Variants in STXBP5L observed in about 807,000 individuals in gnomAD.
The protein encoded by STXBP5L is syntaxin binding protein 5L.
Under a neutral mutation model 144.5 loss-of-function variants are expected in STXBP5L, and 65 were observed. That is an observed-to-expected ratio of 0.45 (90% CI 0.37 to 0.55). The LOEUF (loss-of-function observed/expected upper bound fraction) is 0.55, where lower values mean the gene tolerates loss of function less well. STXBP5L is among the 20% of genes least tolerant of loss of function. The pLI, the probability that STXBP5L is intolerant of heterozygous loss-of-function variation, is 0.00. For synonymous variants in STXBP5L, 505 were observed against 469.6 expected, an observed-to-expected ratio of 1.08 and a Z score of -0.97; for missense variants, 1,298 against 1,405.5, an observed-to-expected ratio of 0.92 and a Z score of 1.22.
chr3:121,055,387 A>G (rs985346555), intron 5 of STXBP5L, among the ~76,000 whole-genome samples: 4 of 152,168 alleles, frequency 2.6e-5, no homozygotes, highest in Non-Finnish European at 4.4e-5. Flanking sequence ...CAGTTTATAA[A>G]TTTATACTAT....
intron 19 of STXBP5L, among the ~76,000 whole-genome samples, chr3:121,296,122 C>G (rs1379966759): frequency 6.6e-6 from 1 of 152,178 alleles, no homozygotes; most frequent in African/African-American, 2.4e-5. Context: ...TTATTACATA[C>G]TTTCTGATGA....
intron 3 of STXBP5L, among the ~76,000 whole-genome samples, chr3:121,007,547 A>T (rs1330496102): frequency 6.6e-6 from 1 of 152,066 alleles, no homozygotes; most frequent in Non-Finnish European, 1.5e-5. Flanking sequence ...ACTAGAAATT[A>T]AAATTCTTTA....
intron 3 of STXBP5L, among the ~76,000 whole-genome samples, chr3:120,979,303 G>A (rs1417513228): frequency 6.6e-6 from 1 of 152,310 alleles, no homozygotes; most frequent in East Asian, 1.9e-4. Context: ...ATCTCAGACT[G>A]CTGTGCTAGC....
At chr3:121,334,884 C>A (rs550071595) in intron 20 of STXBP5L, among the ~76,000 whole-genome samples, 1 of 152,146 alleles carries the variant, frequency 6.6e-6, no homozygotes, top group East Asian at 1.9e-4. Flanking sequence ...TGGAAGCATT[C>A]CCCTTGAAAA....
chr3:121,171,921 T>C (rs1056387860), intron 9 of STXBP5L, among the ~76,000 whole-genome samples: 2 of 152,166 alleles, frequency 1.3e-5, no homozygotes, highest in Non-Finnish European at 2.9e-5. Flanking sequence ...AGAACAAAGC[T>C]GGAGGCATCA....
At chr3:121,255,338 A>G (rs944211681) in intron 16 of STXBP5L, among the ~76,000 whole-genome samples, 2 of 152,084 alleles carry the variant, frequency 1.3e-5, no homozygotes, top group Admixed American at 6.5e-5. Flanking sequence ...ATTTTTTTCA[A>G]TGTCAAAACA....
intron 9 of STXBP5L, among the ~76,000 whole-genome samples, chr3:121,179,818 A>G (rs2047073054): frequency 1.3e-5 from 2 of 152,170 alleles, no homozygotes; most frequent in South Asian, 4.1e-4. Context: ...AACAGACTAG[A>G]ACAAGTAGAA....
chr3:121,419,242 G>A lies in STXBP5L; in HGVS notation c.*145G>A, dbSNP rs2047309477. Reference sequence around the variant, plus strand: ...AATCTGAAATTTTCATAAAAGAGATGTATCAGAGACACTGTGCAACCCAAA... The same window carrying A: ...AATCTGAAATTTTCATAAAAGAGATATATCAGAGACACTGTGCAACCCAAA... On this transcript the variant is annotated 3_prime_UTR_variant, in exon 27 of 27. Transcript: ENST00000471454. The A allele has an allele frequency of 7.3e-6, 6 of 825,814 alleles. No individual in the cohort carries two copies. In the Admixed American group the frequency reaches 1.9e-4, roughly 26 times the overall value. 51.2% of individuals were successfully genotyped at this position (825,814 alleles called of 1,614,324 possible).
chr3:121,054,822 G>T (rs1056266470), intron 5 of STXBP5L, among the ~76,000 whole-genome samples: 2 of 151,938 alleles, frequency 1.3e-5, no homozygotes, highest in South Asian at 2.1e-4. Context: ...TCACCATATT[G>T]ATTTTATCTT....
At chr3:121,278,450 A>G (rs913186993) in intron 18 of STXBP5L, among the ~76,000 whole-genome samples, 2 of 151,980 alleles carry the variant, frequency 1.3e-5, no homozygotes, top group Non-Finnish European at 2.9e-5. Context: ...AATGTCATGC[A>G]TCCTAGTTGC....
intron 2 of STXBP5L, among the ~76,000 whole-genome samples, chr3:120,914,399 A>T (rs1709000296): frequency 6.6e-6 from 1 of 152,076 alleles, no homozygotes; most frequent in East Asian, 1.9e-4. Context: ...TAACTAGTAT[A>T]ACTTCTGCAG....
At chr3:121,408,533 C>CT (rs1307040939) in intron 23 of STXBP5L, among the ~76,000 whole-genome samples, 2 of 151,914 alleles carry the variant, frequency 1.3e-5, no homozygotes, top group African/African-American at 4.8e-5. Flanking sequence ...TAGCCACAAA[C>CT]TAAGTTCCCA....
intron 9 of STXBP5L, among the ~76,000 whole-genome samples, 186 bp from the exon 10 acceptor site, chr3:121,205,737 A>C (rs2048310221): frequency 6.6e-6 from 1 of 152,166 alleles, no homozygotes; most frequent in African/African-American, 2.4e-5. Context: ...AATTATTGCA[A>C]CTCTAAAGAT....
At chr3:120,947,385 T>G (rs1289014053) in intron 2 of STXBP5L, among the ~76,000 whole-genome samples, 3 of 151,814 alleles carry the variant, frequency 2.0e-5, no homozygotes, top group African/African-American at 7.2e-5. Context: ...CCAACTGATG[T>G]CAACTTTTTA....
At chr3:121,261,702 G>C (rs1243377507) in intron 18 of STXBP5L, among the ~76,000 whole-genome samples, 1 of 152,088 alleles carries the variant, frequency 6.6e-6, no homozygotes, top group African/African-American at 2.4e-5. Context: ...AAAAACATCT[G>C]ATAAAATTAA....
At chr3:121,326,878 G>A (rs879749124) in intron 20 of STXBP5L, among the ~76,000 whole-genome samples, 1 of 152,094 alleles carries the variant, frequency 6.6e-6, no homozygotes, top group Non-Finnish European at 1.5e-5. Flanking sequence ...CCATAACAAA[G>A]TAGAAATTCT....
At chr3:121,274,555 A>C (rs187056619) in intron 18 of STXBP5L, among the ~76,000 whole-genome samples, 178 of 152,320 alleles carry the variant, frequency 1.2e-3, no homozygotes, top group African/African-American at 4.2e-3. Context: ...TGGTGTTGGG[A>C]TCCTGGCCAC....
chr3:120,921,111 C>G (rs1213990027), intron 2 of STXBP5L, among the ~76,000 whole-genome samples: 1 of 151,848 alleles, frequency 6.6e-6, no homozygotes, highest in Non-Finnish European at 1.5e-5. Context: ...GTGAGTTCCC[C>G]TCTCTCCACA....
At chr3:121,291,493 C>T (rs1458984649) in intron 19 of STXBP5L, among the ~76,000 whole-genome samples, 3 of 152,070 alleles carry the variant, frequency 2.0e-5, no homozygotes, top group African/African-American at 7.2e-5. Flanking sequence ...AAGCAATCTA[C>T]AAATTCAATG....
Sources: gnomAD v4.1 joint callset for allele counts (sites outside exome capture counted in the v4.1 genomes callset) on GRCh38, gnomAD v4.1.1 for gene constraint, MANE v1.5 for transcripts, NCBI Gene and HGNC (gene_info 2026-07-23, HGNC 2026-07-21) for gene names.